STXBP6: variants seen among roughly 807,000 people sequenced by gnomAD.
The protein encoded by STXBP6 is syntaxin binding protein 6.
A neutral mutation model predicts 26.9 loss-of-function variants in STXBP6; 21 were observed. The observed-to-expected ratio is 0.78, with a 90% CI of 0.55 to 1.12. The LOEUF is 1.12. STXBP6 is among the 50% of genes most tolerant of loss of function. STXBP6 has a pLI of 0.00. For missense variants in STXBP6, 232 were observed against 257.9 expected (o/e 0.90, Z 0.69); for synonymous variants, 97 against 92.6 (o/e 1.05, Z -0.27).
intron 5 of STXBP6, among the ~76,000 whole-genome samples, chr14:24,812,978 G>A (rs1401087153): frequency 6.9e-6 from 1 of 144,136 alleles, no homozygotes; most frequent in South Asian, 2.2e-4. Flanking sequence ...GCATCCAGGC[G>A]GGAGGGAGTG....
chr14:25,034,031 G>A (rs921777592), intron 1 of STXBP6, among the ~76,000 whole-genome samples: 9 of 152,210 alleles, frequency 5.9e-5, no homozygotes, highest in Non-Finnish European at 1.0e-4. Flanking sequence ...GAAGGGGAGA[G>A]AAACTATAAT....
intron 4 of STXBP6, among the ~76,000 whole-genome samples, chr14:24,855,165 G>A (rs1277962336): frequency 6.6e-6 from 1 of 152,032 alleles, no homozygotes; most frequent in African/African-American, 2.4e-5. Context: ...AGGAGAAGAT[G>A]TGATGTATTT....
intron 1 of STXBP6, among the ~76,000 whole-genome samples, chr14:24,984,950 A>C (rs998975555): frequency 6.6e-6 from 1 of 152,188 alleles, no homozygotes; most frequent in Non-Finnish European, 1.5e-5. Flanking sequence ...AAAGGTACGG[A>C]AAGGTGAGGC....
chr14:24,822,836 A>G (rs17108494), intron 4 of STXBP6, among the ~76,000 whole-genome samples: 2,360 of 152,266 alleles, frequency 0.015, 70 homozygotes, highest in African/African-American at 0.054. Flanking sequence ...ATCCTGCTAT[A>G]TGTAGCACAG....
intron 4 of STXBP6, among the ~76,000 whole-genome samples, chr14:24,831,548 T>C (rs1356015559): frequency 1.9e-4 from 29 of 152,040 alleles, no homozygotes; most frequent in Admixed American, 1.9e-3. Flanking sequence ...GGATGGAAAA[T>C]TGAATGGTTT....
chr14:24,831,673 A>T (rs1265159796), intron 4 of STXBP6, among the ~76,000 whole-genome samples: 1 of 152,140 alleles, frequency 6.6e-6, no homozygotes, highest in East Asian at 1.9e-4. Context: ...TCTTTGATTT[A>T]AAAAAATATG....
chr14:24,881,492 A>G (rs2070354131), intron 2 of STXBP6, among the ~76,000 whole-genome samples: 1 of 150,202 alleles, frequency 6.7e-6, no homozygotes, highest in African/African-American at 2.4e-5. Context: ...AAGAATGACA[A>G]GCTGAAGTAA....
At chr14:25,004,430 T>A (rs1247120746) in intron 1 of STXBP6, among the ~76,000 whole-genome samples, 1 of 152,094 alleles carries the variant, frequency 6.6e-6, no homozygotes, top group East Asian at 1.9e-4. Context: ...ATTATACACA[T>A]GGGGGAGGGA....
intron 1 of STXBP6, among the ~76,000 whole-genome samples, chr14:25,046,374 C>T (rs574702467): frequency 2.0e-5 from 3 of 152,210 alleles, no homozygotes; most frequent in African/African-American, 4.8e-5. Flanking sequence ...GTCAGGAAGA[C>T]AGGTTTGGGC....
intron 2 of STXBP6, among the ~76,000 whole-genome samples, chr14:24,868,405 C>T (rs1209700715): frequency 1.3e-5 from 2 of 152,046 alleles, no homozygotes; most frequent in Non-Finnish European, 2.9e-5. Flanking sequence ...TATTATACAC[C>T]TATTATTAAA....
intron 1 of STXBP6, among the ~76,000 whole-genome samples, chr14:25,041,759 G>A (rs1267076445): frequency 6.6e-6 from 1 of 152,218 alleles, no homozygotes; most frequent in Non-Finnish European, 1.5e-5. Context: ...TCCCAGTGAA[G>A]CCTAGTGTAT....
intron 1 of STXBP6, among the ~76,000 whole-genome samples, chr14:25,004,647 G>C (rs1020922951): frequency 1.3e-5 from 2 of 152,198 alleles, no homozygotes; most frequent in Non-Finnish European, 2.9e-5. Flanking sequence ...AACTAGGGTT[G>C]TTAGCTCTTT....
chr14:24,936,767 G>A (rs924672927), intron 2 of STXBP6, among the ~76,000 whole-genome samples: 2 of 152,098 alleles, frequency 1.3e-5, no homozygotes, highest in Admixed American at 6.6e-5. Flanking sequence ...TCTAACTGGC[G>A]TGAGAGCAAT....
At chr14:24,940,571 A>G (rs1216650798) in intron 2 of STXBP6, among the ~76,000 whole-genome samples, 2 of 152,174 alleles carry the variant, frequency 1.3e-5, no homozygotes, top group Non-Finnish European at 2.9e-5. Flanking sequence ...CAGACTGATA[A>G]GAACTATGGG....
intron 2 of STXBP6, among the ~76,000 whole-genome samples, chr14:24,863,512 G>A (rs965512303): frequency 4.6e-5 from 7 of 152,174 alleles, no homozygotes; most frequent in African/African-American, 1.2e-4. Context: ...CTAGAAAAGA[G>A]GAGTATCCCA....
At chr14:24,924,421 A>C (rs556760861) in intron 2 of STXBP6, among the ~76,000 whole-genome samples, 1 of 152,332 alleles carries the variant, frequency 6.6e-6, no homozygotes, top group African/African-American at 2.4e-5. Context: ...ACTCACTTCT[A>C]ACCCAGTAAT....
intron 2 of STXBP6, among the ~76,000 whole-genome samples, chr14:24,954,166 C>T (rs1288316107): frequency 6.6e-6 from 1 of 152,128 alleles, no homozygotes; most frequent in Non-Finnish European, 1.5e-5. Context: ...CTATTTCACA[C>T]CTTTCACACC....
intron 2 of STXBP6, among the ~76,000 whole-genome samples, chr14:24,937,097 C>T (rs1375007597): frequency 6.6e-6 from 1 of 152,152 alleles, no homozygotes; most frequent in Non-Finnish European, 1.5e-5. Flanking sequence ...AATGAGAACA[C>T]ATGGACACAG....
At chr14:24,986,813 G>A (rs923808666) in intron 1 of STXBP6, among the ~76,000 whole-genome samples, 1 of 152,184 alleles carries the variant, frequency 6.6e-6, no homozygotes, top group Non-Finnish European at 1.5e-5. Context: ...GAATGCCTTG[G>A]TTAGGATTGA....
Sources: allele counts gnomAD v4.1 joint callset (sites outside exome capture counted in the v4.1 genomes callset), GRCh38; gene constraint gnomAD v4.1.1; transcripts MANE v1.5; gene names NCBI Gene and HGNC (gene_info 2026-07-23, HGNC 2026-07-21).